The following TTC28 variants were observed in gnomAD, a reference collection of about 807,000 sequenced individuals.
TTC28 encodes tetratricopeptide repeat domain 28, also known as tetratricopeptide repeat protein 28.
Under a neutral mutation model 198.0 loss-of-function variants are expected in TTC28, and 61 were observed. The observed-to-expected ratio is 0.31, with a 90% CI of 0.25 to 0.38. The LOEUF is 0.38. Ranked by LOEUF, TTC28 falls within the 10% of genes least tolerant of loss-of-function variation. The pLI is 1.00. For synonymous variants in TTC28, 1,171 were observed against 1,297.8 expected, an observed-to-expected ratio of 0.90 and a Z score of 2.10; for missense variants, 2,678 against 3,164.0, an observed-to-expected ratio of 0.85 and a Z score of 3.69.
chr22:28,644,804 C>T (rs941922206), intron 1 of TTC28, among the ~76,000 whole-genome samples: 1 of 152,000 alleles, frequency 6.6e-6, no homozygotes, highest in African/African-American at 2.4e-5. Flanking sequence ...GCCTGGGCAA[C>T]AAAGTGAGAA....
At chr22:28,573,109 G>A (rs1693347237) in intron 2 of TTC28, among the ~76,000 whole-genome samples, 1 of 142,962 alleles carries the variant, frequency 7.0e-6, no homozygotes, top group African/African-American at 2.6e-5. Context: ...GTGACAGAGT[G>A]AGACCATGTC....
At chr22:28,155,832 A>G (rs556658055) in intron 6 of TTC28, among the ~76,000 whole-genome samples, 2 of 152,260 alleles carry the variant, frequency 1.3e-5, no homozygotes, top group African/African-American at 4.8e-5. Context: ...GTGGCATACA[A>G]TATGTGGCAA....
At chr22:28,518,449 CT>C (rs2048834998) in intron 2 of TTC28, among the ~76,000 whole-genome samples, 5 of 152,088 alleles carry the variant, frequency 3.3e-5, no homozygotes, top group Admixed American at 2.0e-4. Context: ...GGCCTCATCT[CT>C]ATGAAAAATA....
At chr22:28,522,560 T>C (rs918075038) in intron 2 of TTC28, among the ~76,000 whole-genome samples, 5 of 147,654 alleles carry the variant, frequency 3.4e-5, no homozygotes, top group South Asian at 2.1e-4. Flanking sequence ...AGGATTAAAA[T>C]TGTAAATAAT....
chr22:28,575,690 A>G (rs1248611658), intron 2 of TTC28, among the ~76,000 whole-genome samples: 2 of 152,170 alleles, frequency 1.3e-5, no homozygotes, highest in East Asian at 3.8e-4. Context: ...TTCTTTCACC[A>G]GTGTTTTACA....
intron 2 of TTC28, among the ~76,000 whole-genome samples, chr22:28,478,026 C>G (rs1327665608): frequency 6.6e-6 from 1 of 152,178 alleles, no homozygotes; most frequent in Non-Finnish European, 1.5e-5. Context: ...CAGCTGACCC[C>G]TAGACTTCAT....
chr22:28,234,938 C>T (rs1274834520), intron 5 of TTC28, among the ~76,000 whole-genome samples: 1 of 152,214 alleles, frequency 6.6e-6, no homozygotes, highest in Non-Finnish European at 1.5e-5. Context: ...TAATGATTAC[C>T]TCCAACTTGA....
chr22:28,628,100 T>C (rs985940766), intron 2 of TTC28, among the ~76,000 whole-genome samples: 3 of 151,942 alleles, frequency 2.0e-5, no homozygotes, highest in Non-Finnish European at 2.9e-5. Flanking sequence ...GAGACTATGT[T>C]GCCTAGTCTG....
chr22:28,519,094 A>C (rs879603213), intron 2 of TTC28, among the ~76,000 whole-genome samples: 1 of 152,216 alleles, frequency 6.6e-6, no homozygotes, highest in Non-Finnish European at 1.5e-5. Context: ...GATCAGAAAT[A>C]GTCAAAGAGA....
intron 5 of TTC28, among the ~76,000 whole-genome samples, chr22:28,271,880 G>A (rs1223733476): frequency 6.6e-6 from 1 of 152,194 alleles, no homozygotes; most frequent in Non-Finnish European, 1.5e-5. Context: ...TGGGATTACA[G>A]GCGTGAGCCA....
At chr22:28,653,013 G>A (rs772076051) in intron 1 of TTC28, among the ~76,000 whole-genome samples, 8 of 152,078 alleles carry the variant, frequency 5.3e-5, no homozygotes, top group Non-Finnish European at 8.8e-5. Flanking sequence ...ATTGATCTGA[G>A]TTTTGTGCTT....
intron 3 of TTC28, among the ~76,000 whole-genome samples, chr22:28,304,971 A>ATTAT (rs112686882): frequency 0.07 from 10,331 of 147,918 alleles, 520 homozygotes; most frequent in African/African-American, 0.13. Context: ...TTGTTTATTT[A>ATTAT]TTATTTATTT....
At chr22:28,397,465 G>A (rs897579057) in intron 2 of TTC28, among the ~76,000 whole-genome samples, 2 of 152,180 alleles carry the variant, frequency 1.3e-5, no homozygotes, top group African/African-American at 4.8e-5. Context: ...CATACATAAT[G>A]TTGCATCCTA....
At chr22:28,236,258 C>T (rs535253146) in intron 5 of TTC28, among the ~76,000 whole-genome samples, 1 of 152,330 alleles carries the variant, frequency 6.6e-6, no homozygotes, top group African/African-American at 2.4e-5. Context: ...CATTGATCCT[C>T]CAACACCCTC....
intron 2 of TTC28, among the ~76,000 whole-genome samples, chr22:28,376,809 CAG>C (rs1042907762): frequency 3.3e-5 from 5 of 152,094 alleles, no homozygotes; most frequent in Non-Finnish European, 7.4e-5. Flanking sequence ...TAGAGATCCT[CAG>C]AGAGTGCCCC....
chr22:28,009,493 C>T (rs1008281971), intron 14 of TTC28, among the ~76,000 whole-genome samples: 3 of 152,216 alleles, frequency 2.0e-5, no homozygotes, highest in Non-Finnish European at 4.4e-5. Flanking sequence ...AGCCGGCTAG[C>T]GGTGTTATAT....
intron 1 of TTC28, among the ~76,000 whole-genome samples, chr22:28,647,236 G>A (rs1306429124): frequency 6.6e-6 from 1 of 152,072 alleles, no homozygotes. Context: ...AAATCAACTT[G>A]GGATGGATTA....
rs552134495 is a variant in TTC28 at position 28,048,831 on chromosome 22, A to C, written c.3933-18465T>G. The stretch of plus-strand genomic sequence containing the variant: ...CTGCCTTGCCTAGGCCATTCTCTTG[A>C]CCTAGACTCTCCCTTCTCCATCAAC... On this transcript the variant is annotated intron_variant, in intron 12 of 22. Transcript: ENST00000397906. Among the ~76,000 whole-genome samples the C allele has an allele frequency of 2.0e-5, 3 of 152,038 alleles. No individual in the cohort carries two copies. The South Asian group carries it at 6.2e-4, about 32-fold the overall frequency.
At chr22:28,309,657 G>A (rs1443187289) in intron 2 of TTC28, among the ~76,000 whole-genome samples, 1 of 152,118 alleles carries the variant, frequency 6.6e-6, no homozygotes, top group Non-Finnish European at 1.5e-5. Context: ...ATATACGGAC[G>A]CAGTATATGT....
Sources: allele counts gnomAD v4.1 joint callset (sites outside exome capture counted in the v4.1 genomes callset), GRCh38; gene constraint gnomAD v4.1.1; transcripts MANE v1.5; gene names NCBI Gene and HGNC (gene_info 2026-07-23, HGNC 2026-07-21).